Variants in TRIO observed in about 807,000 individuals in gnomAD.
The protein encoded by TRIO is trio Rho guanine nucleotide exchange factor.
In TRIO, 58 loss-of-function variants were observed where a neutral mutation model predicts 351.9. That is an observed-to-expected ratio of 0.16 (90% CI 0.13 to 0.21). The LOEUF is 0.21. Ranked by LOEUF, TRIO falls within the 10% of genes least tolerant of loss-of-function variation. TRIO has a pLI of 1.00. For synonymous variants in TRIO, 1,758 were observed against 1,595.7 expected (o/e 1.10, Z -2.42); for missense variants, 3,201 against 4,027.8 (o/e 0.79, Z 5.56).
intron 48 of TRIO, 52 bp downstream of exon 48, chr5:14,488,312 C>T: frequency 6.6e-7 from 1 of 1,512,872 alleles, no homozygotes; most frequent in Non-Finnish European, 8.8e-7. Context: ...TCTGTCCCGC[C>T]AGCTCTAAAC....
At chr5:14,386,488 G>A (rs567037273) in intron 21 of TRIO, among the ~76,000 whole-genome samples, 1 of 152,302 alleles carries the variant, frequency 6.6e-6, no homozygotes, top group Admixed American at 6.5e-5. Flanking sequence ...TTCTTTTGGG[G>A]ATTTTTAAAG....
chr5:14,353,295 A>G (rs1183899544), intron 11 of TRIO, among the ~76,000 whole-genome samples: 15 of 127,222 alleles, frequency 1.2e-4, no homozygotes, highest in Admixed American at 7.9e-4. Flanking sequence ...TTTTTTTGAG[A>G]CTGAGTCGCC....
intron 55 of TRIO, among the ~76,000 whole-genome samples, chr5:14,505,244 A>G (rs557607382): frequency 6.6e-6 from 1 of 152,338 alleles, no homozygotes; most frequent in East Asian, 1.9e-4. Context: ...AAATGTCAGG[A>G]GAGCTCAGGC....
chr5:14,183,784 G>A (rs560451376), intron 1 of TRIO: 2 of 572,362 alleles, frequency 3.5e-6, no homozygotes, highest in Non-Finnish European at 3.2e-6. Flanking sequence ...CATGCTGGCT[G>A]CTCCTCACTG....
At chr5:14,165,919 T>G (rs542828699) in intron 1 of TRIO, among the ~76,000 whole-genome samples, 4 of 152,256 alleles carry the variant, frequency 2.6e-5, no homozygotes, top group Non-Finnish European at 5.9e-5. Context: ...CCAGACCTGC[T>G]GAGTGAATGA....
chr5:14,462,654 C>T (rs1753916006), intron 35 of TRIO, 101 bp from the exon 36 acceptor site: 1 of 1,472,498 alleles, frequency 6.8e-7, no homozygotes, highest in Admixed American at 2.0e-5. Context: ...CTGATTTCTG[C>T]CATCCCAGTC....
At chr5:14,437,314 T>C (rs1256090006) in intron 34 of TRIO, among the ~76,000 whole-genome samples, 2 of 152,190 alleles carry the variant, frequency 1.3e-5, no homozygotes, top group African/African-American at 4.8e-5. Flanking sequence ...GGTTTTACAG[T>C]ATACAATCAA....
At chr5:14,282,478 A>G (rs991979482) in intron 3 of TRIO, among the ~76,000 whole-genome samples, 6 of 152,188 alleles carry the variant, frequency 3.9e-5, no homozygotes, top group Non-Finnish European at 8.8e-5. Flanking sequence ...CTTGAAACCT[A>G]TGTTAATAGT....
intron 41 of TRIO, 128 bp from the exon 42 acceptor site, chr5:14,479,133 A>G (rs902112973): frequency 2.7e-6 from 2 of 746,722 alleles, no homozygotes; most frequent in African/African-American, 3.5e-5. Flanking sequence ...TACTCCCGAG[A>G]GCCTTAGCTG....
chr5:14,337,780 C>A (rs1741560596), intron 11 of TRIO, among the ~76,000 whole-genome samples: 1 of 152,148 alleles, frequency 6.6e-6, no homozygotes, highest in South Asian at 2.1e-4. Flanking sequence ...CTGCAGGCTT[C>A]CCTCTGAAAC....
At chr5:14,464,658 G>A (rs1250256416) in intron 36 of TRIO, among the ~76,000 whole-genome samples, 2 of 152,086 alleles carry the variant, frequency 1.3e-5, no homozygotes, top group Non-Finnish European at 2.9e-5. Context: ...TGACCCACAC[G>A]TGTAAAAGCC....
intron 1 of TRIO, among the ~76,000 whole-genome samples, chr5:14,261,806 C>G (rs968423057): frequency 6.6e-6 from 1 of 152,176 alleles, no homozygotes; most frequent in African/African-American, 2.4e-5. Context: ...GGGCAGATAA[C>G]TTCTAAATTA....
intron 1 of TRIO, among the ~76,000 whole-genome samples, chr5:14,250,702 C>T (rs1169143818): frequency 2.6e-5 from 4 of 152,140 alleles, no homozygotes; most frequent in Non-Finnish European, 5.9e-5. Context: ...CATAGAAGCA[C>T]ATCCTTTTCA....
intron 33 of TRIO, among the ~76,000 whole-genome samples, chr5:14,416,133 C>T (rs753979545): frequency 3.0e-4 from 45 of 149,724 alleles, no homozygotes; most frequent in African/African-American, 1.1e-3. Context: ...ACTCTTTCAA[C>T]TGAGGGTAGA....
intron 5 of TRIO, 22 bp downstream of exon 5, chr5:14,291,250 G>T: frequency 6.2e-7 from 1 of 1,600,682 alleles, no homozygotes; most frequent in South Asian, 1.1e-5. Context: ...GGAGGCTAAT[G>T]CCTCAGTGGA....
At position 14,508,316 on chromosome 5, in the gene TRIO, C is replaced by T. The variant is rs759676716; in HGVS notation, c.9188C>T (p.Thr3063Met). Reference protein sequence around the residue: ...GNGRSTGVLDTSRLTSFIERR... With the variant: ...GNGRSTGVLDMSRLTSFIERR... ...GGCAGAAGCACGGGCGTCCTCGACA[C>T]GTCCAGACTGACTTCCTTCATTGAG... is the stretch of plus-strand genomic sequence containing the variant. Residue 3063 changes from threonine (T) to methionine (M), a missense_variant, in exon 57 of 57, where the codon ACG becomes ATG. Physicochemically the swap from Thr to Met is moderately conservative, Grantham distance 81 (BLOSUM62 -1). This residue lies in a region of TRIO where 233 missense variants were observed against 292.6 expected (regional missense o/e 0.80). Transcript: ENST00000344204. 21 of 1,613,852 alleles carry T rather than the reference C, an allele frequency of 1.3e-5. No individual in the cohort carries two copies. The East Asian group carries it at 2.0e-4, about 15-fold the overall frequency.
chr5:14,484,980 T>A, intron 46 of TRIO, 89 bp from the exon 47 acceptor site: 9 of 1,354,658 alleles, frequency 6.6e-6, no homozygotes, highest in Non-Finnish European at 6.8e-6. Flanking sequence ...TAGCCCACAT[T>A]TTCTTTGTCC....
intron 3 of TRIO, among the ~76,000 whole-genome samples, chr5:14,281,963 C>G (rs542804321): frequency 4.6e-5 from 7 of 152,170 alleles, no homozygotes; most frequent in Admixed American, 1.3e-4. Context: ...TTGACACAAG[C>G]GGGACAAGGC....
intron 2 of TRIO, among the ~76,000 whole-genome samples, chr5:14,273,158 G>T (rs867047534): frequency 6.6e-5 from 10 of 152,208 alleles, no homozygotes; most frequent in Middle Eastern, 6.8e-3. Context: ...AAATATTAGG[G>T]AATATTATGA....
Sources: allele counts gnomAD v4.1 joint callset (sites outside exome capture counted in the v4.1 genomes callset), GRCh38; gene constraint gnomAD v4.1.1; regional missense constraint gnomAD v4.1.1; transcripts MANE v1.5; gene names NCBI Gene and HGNC (gene_info 2026-07-23, HGNC 2026-07-21).